ROBO2: variants seen among roughly 807,000 people sequenced by gnomAD.
The protein encoded by ROBO2 is roundabout guidance receptor 2, also known as roundabout homolog 2.
Under a neutral mutation model 160.8 loss-of-function variants are expected in ROBO2, and 53 were observed. The ratio of observed to expected loss-of-function variants is 0.33; its 90% CI spans 0.26 to 0.41. The LOEUF (loss-of-function observed/expected upper bound fraction) is 0.41, where lower values mean the gene tolerates loss of function less well. ROBO2 is among the 10% of genes least tolerant of loss of function. The pLI is 1.00. For missense variants in ROBO2, 1,577 were observed against 1,722.4 expected, an observed-to-expected ratio of 0.92 and a Z score of 1.49; for synonymous variants, 664 against 611.7, an observed-to-expected ratio of 1.09 and a Z score of -1.26.
intron 2 of ROBO2, among the ~76,000 whole-genome samples, chr3:76,533,140 A>G (rs929304973): frequency 1.3e-5 from 2 of 152,234 alleles, no homozygotes; most frequent in Non-Finnish European, 2.9e-5. Flanking sequence ...TTTAAATAAT[A>G]TAACTTTTTA....
chr3:76,546,841 T>G (rs2083133356), intron 2 of ROBO2, among the ~76,000 whole-genome samples: 2 of 151,954 alleles, frequency 1.3e-5, no homozygotes, highest in Non-Finnish European at 2.9e-5. Flanking sequence ...AACTTCACAT[T>G]GCTGTCTTGA....
intron 2 of ROBO2, among the ~76,000 whole-genome samples, chr3:76,296,167 G>A (rs952423525): frequency 9.9e-5 from 15 of 152,044 alleles, no homozygotes; most frequent in African/African-American, 3.4e-4. Flanking sequence ...GACAGAGGGA[G>A]AAAGTGGAGT....
chr3:76,745,727 C>A (rs1308042457), intron 2 of ROBO2, among the ~76,000 whole-genome samples: 1 of 151,880 alleles, frequency 6.6e-6, no homozygotes, highest in Non-Finnish European at 1.5e-5. Flanking sequence ...TCTGCATTTT[C>A]TGCAGAATTC....
chr3:77,207,352 G>C (rs1053664027), intron 2 of ROBO2, among the ~76,000 whole-genome samples: 22 of 152,228 alleles, frequency 1.4e-4, no homozygotes, highest in Non-Finnish European at 2.9e-4. Flanking sequence ...CATTCGGACA[G>C]TCACATTTTT....
At chr3:77,055,205 T>C (rs886204689) in intron 1 of ROBO2, among the ~76,000 whole-genome samples, 44 of 152,286 alleles carry the variant, frequency 2.9e-4, no homozygotes, top group Non-Finnish European at 2.4e-4. Flanking sequence ...CCCACTAACA[T>C]CAAACCCTTC....
intron 2 of ROBO2, among the ~76,000 whole-genome samples, chr3:76,362,482 C>G (rs1007033955): frequency 1.3e-5 from 2 of 151,986 alleles, no homozygotes; most frequent in Admixed American, 1.3e-4. Context: ...GTCCTAAGGC[C>G]TAGTAATCAC....
intron 2 of ROBO2, among the ~76,000 whole-genome samples, chr3:76,005,177 A>G (rs2065986193): frequency 6.6e-6 from 1 of 152,168 alleles, no homozygotes; most frequent in Non-Finnish European, 1.5e-5. Context: ...ATATTCCATT[A>G]TAGCAGCACA....
intron 2 of ROBO2, among the ~76,000 whole-genome samples, chr3:76,362,829 A>G (rs971937373): frequency 1.3e-5 from 2 of 151,968 alleles, no homozygotes; most frequent in African/African-American, 2.4e-5. Flanking sequence ...ACCACCGCCA[A>G]ACTTCCTCAT....
intron 2 of ROBO2, among the ~76,000 whole-genome samples, chr3:76,789,604 C>G (rs2063217370): frequency 6.6e-6 from 1 of 151,622 alleles, no homozygotes; most frequent in Non-Finnish European, 1.5e-5. Context: ...AATGGACTCA[C>G]AAGCCAACTC....
chr3:76,212,393 C>T (rs6783732), intron 2 of ROBO2, among the ~76,000 whole-genome samples: 50,047 of 151,170 alleles, frequency 0.33, 9,152 homozygotes, highest in Non-Finnish European at 0.41. Flanking sequence ...GGACAGGGCC[C>T]GAGATAATGT....
intron 2 of ROBO2, among the ~76,000 whole-genome samples, chr3:76,169,399 G>A (rs1203205730): frequency 6.6e-6 from 1 of 152,164 alleles, no homozygotes; most frequent in Non-Finnish European, 1.5e-5. Context: ...ATGAAGGGTA[G>A]CATGCGTGGG....
intron 2 of ROBO2, among the ~76,000 whole-genome samples, chr3:76,146,850 A>G (rs1419936823): frequency 7.2e-6 from 1 of 139,284 alleles, no homozygotes; most frequent in African/African-American, 2.6e-5. Context: ...GAGGATACCC[A>G]CCTCTCCCCT....
intron 22 of ROBO2, among the ~76,000 whole-genome samples, chr3:77,620,867 A>T (rs2094885722): frequency 6.6e-6 from 1 of 152,248 alleles, no homozygotes; most frequent in South Asian, 2.1e-4. Flanking sequence ...ACTTTTTAAG[A>T]TCTCACCTAA....
At chr3:76,899,684 G>A (rs1198203544) in intron 2 of ROBO2, among the ~76,000 whole-genome samples, 4 of 152,024 alleles carry the variant, frequency 2.6e-5, no homozygotes, top group African/African-American at 7.3e-5. Context: ...ATTATTTAAG[G>A]TGAACAACTT....
intron 2 of ROBO2, among the ~76,000 whole-genome samples, chr3:77,328,733 T>A (rs1560546960): frequency 6.6e-6 from 1 of 151,904 alleles, no homozygotes; most frequent in Non-Finnish European, 1.5e-5. Flanking sequence ...TCTGAAAAAA[T>A]AAAAATAAAA....
chr3:76,475,487 C>A (rs1283674594), intron 2 of ROBO2, among the ~76,000 whole-genome samples: 1 of 151,232 alleles, frequency 6.6e-6, no homozygotes, highest in African/African-American at 2.4e-5. Context: ...ATCTGACTTT[C>A]ACTTTAAAAG....
At chr3:77,120,441 C>T (rs2074637655) in intron 2 of ROBO2, among the ~76,000 whole-genome samples, 2 of 152,052 alleles carry the variant, frequency 1.3e-5, no homozygotes, top group African/African-American at 4.8e-5. Context: ...TAATTTACCT[C>T]TCATAAAACT....
intron 2 of ROBO2, among the ~76,000 whole-genome samples, chr3:76,996,927 G>T (rs2061047517): frequency 6.6e-6 from 1 of 152,076 alleles, no homozygotes; most frequent in Admixed American, 6.6e-5. Context: ...GTGTCTGCCA[G>T]TTTGTCTGCC....
chr3:77,243,806 A>G (rs1051166386), intron 2 of ROBO2, among the ~76,000 whole-genome samples: 8 of 152,216 alleles, frequency 5.3e-5, no homozygotes, highest in African/African-American at 1.7e-4. Context: ...TAAATAATGC[A>G]TTAAAAGCAC....
Sources: gnomAD v4.1 joint callset for allele counts (sites outside exome capture counted in the v4.1 genomes callset) on GRCh38, gnomAD v4.1.1 for gene constraint, MANE v1.5 for transcripts, NCBI Gene and HGNC (gene_info 2026-07-23, HGNC 2026-07-21) for gene names.